NRXN1: variants seen among roughly 807,000 people sequenced by gnomAD.
NRXN1 encodes the protein neurexin-1.
A neutral mutation model predicts 150.9 loss-of-function variants in NRXN1; 39 were observed. The observed-to-expected ratio is 0.26, with a 90% CI of 0.20 to 0.34. The LOEUF is 0.34. NRXN1 is among the 10% of genes least tolerant of loss of function. The pLI, the probability that NRXN1 is intolerant of heterozygous loss-of-function variation, is 1.00. For synonymous variants in NRXN1, 924 were observed against 757.0 expected (o/e 1.22, Z -3.62); for missense variants, 1,815 against 1,949.9 (o/e 0.93, Z 1.30).
intron 22 of NRXN1, among the ~76,000 whole-genome samples, chr2:49,931,173 G>A (rs1321788068): frequency 6.6e-6 from 1 of 152,068 alleles, no homozygotes; most frequent in Admixed American, 6.6e-5. Flanking sequence ...CTAAGCAAGG[G>A]GGTTGAACAC....
intron 5 of NRXN1, among the ~76,000 whole-genome samples, chr2:50,866,611 T>G (rs979933608): frequency 6.6e-6 from 1 of 151,962 alleles, no homozygotes; most frequent in Admixed American, 6.6e-5. Flanking sequence ...GTTATATAGT[T>G]ATAATTTACA....
intron 5 of NRXN1, among the ~76,000 whole-genome samples, chr2:50,799,326 T>A (rs866755643): frequency 6.6e-6 from 1 of 152,198 alleles, no homozygotes; most frequent in South Asian, 2.1e-4. Flanking sequence ...GGACAACAAT[T>A]TAATTCCTAT....
intron 18 of NRXN1, among the ~76,000 whole-genome samples, chr2:50,115,367 G>A (rs754419995): frequency 9.2e-5 from 14 of 151,754 alleles, no homozygotes; most frequent in South Asian, 2.1e-4. Context: ...GAGTTTACCC[G>A]AGATTACGTA....
chr2:50,906,902 C>T (rs1250024766), intron 5 of NRXN1, among the ~76,000 whole-genome samples: 1 of 151,962 alleles, frequency 6.6e-6, no homozygotes, highest in African/African-American at 2.4e-5. Context: ...CCCTGGCATG[C>T]TGAGTACTTG....
intron 18 of NRXN1, among the ~76,000 whole-genome samples, chr2:50,235,446 T>C (rs187365198): frequency 2.0e-5 from 3 of 152,198 alleles, no homozygotes; most frequent in African/African-American, 7.2e-5. Context: ...TTTTGTTGTG[T>C]TTTTCAAGCT....
chr2:49,966,662 C>T (rs972589079), intron 21 of NRXN1: 1 of 152,000 alleles, frequency 6.6e-6, no homozygotes, highest in Non-Finnish European at 1.5e-5. Flanking sequence ...GAACTTTCTC[C>T]AGTACAATGT....
At chr2:50,560,602 T>A (rs991122749) in intron 8 of NRXN1, among the ~76,000 whole-genome samples, 62 of 152,184 alleles carry the variant, frequency 4.1e-4, no homozygotes, top group African/African-American at 1.3e-3. Flanking sequence ...CCGGTTAATT[T>A]TGGATTTTTA....
At chr2:50,857,398 T>G (rs1417319426) in intron 5 of NRXN1, among the ~76,000 whole-genome samples, 1 of 152,046 alleles carries the variant, frequency 6.6e-6, no homozygotes. Flanking sequence ...TATTTTTTTA[T>G]GTGGTTGATT....
chr2:50,446,579 CTCCT>C (rs1316319085), intron 17 of NRXN1, among the ~76,000 whole-genome samples: 13 of 129,132 alleles, frequency 1.0e-4, no homozygotes, highest in South Asian at 2.8e-4. Context: ...TCCTTCTTTC[CTCCT>C]TCCTTCCTTC....
rs531378141 is a variant in NRXN1 at position 50,637,238 on chromosome 2, C to T, written c.833-13623G>A. Among the ~76,000 whole-genome samples, 331 of 152,172 alleles carry T rather than the reference C, an allele frequency of 2.2e-3. 1 individual carries two copies. Among genetic ancestry groups the T allele is most frequent in the African/African-American group, 7.8e-3 (325 of 41,516 alleles). On this transcript the variant is annotated intron_variant, in intron 5 of 22. Transcript: ENST00000401669. ...CTTATTAATTATATACTGGGTCTTC[C>T]ATAACTTCCCGTTACCCCATCTATC...
intron 17 of NRXN1, among the ~76,000 whole-genome samples, chr2:50,350,071 C>T (rs2078300515): frequency 6.6e-6 from 1 of 152,170 alleles, no homozygotes; most frequent in Non-Finnish European, 1.5e-5. Context: ...AAATACTGAA[C>T]CATTGCTCCC....
chr2:50,318,066 T>TAGA (rs1429284749), intron 17 of NRXN1, among the ~76,000 whole-genome samples: 1 of 151,952 alleles, frequency 6.6e-6, no homozygotes. Flanking sequence ...AGTCACATAC[T>TAGA]AGAAGAATAA....
At chr2:50,939,567 T>G (rs897513970) in intron 2 of NRXN1, among the ~76,000 whole-genome samples, 1 of 152,088 alleles carries the variant, frequency 6.6e-6, no homozygotes, top group African/African-American at 2.4e-5. Context: ...TTTTCTTTTC[T>G]CTAACAATTT....
chr2:50,169,263 T>A (rs548201367), intron 18 of NRXN1, among the ~76,000 whole-genome samples: 35 of 152,152 alleles, frequency 2.3e-4, no homozygotes, highest in Admixed American at 6.5e-4. Flanking sequence ...GCCAAAAGTG[T>A]CCACTCTTAA....
chr2:50,849,983 A>G (rs1199453398), intron 5 of NRXN1, among the ~76,000 whole-genome samples: 1 of 152,106 alleles, frequency 6.6e-6, no homozygotes, highest in Non-Finnish European at 1.5e-5. Context: ...AGGCAGGAAG[A>G]TCGCTTGAGC....
At chr2:50,139,762 T>C (rs375689414) in intron 18 of NRXN1, among the ~76,000 whole-genome samples, 6 of 152,302 alleles carry the variant, frequency 3.9e-5, no homozygotes, top group African/African-American at 1.4e-4. Context: ...ACATAGACTA[T>C]TCTATCTATA....
chr2:50,176,539 T>C (rs920268690), intron 18 of NRXN1, among the ~76,000 whole-genome samples: 2 of 151,996 alleles, frequency 1.3e-5, no homozygotes, highest in Non-Finnish European at 2.9e-5. Context: ...CATTGTCAAA[T>C]ATACCCTGGG....
At chr2:50,102,289 G>A (rs1701082628) in intron 18 of NRXN1, among the ~76,000 whole-genome samples, 1 of 151,952 alleles carries the variant, frequency 6.6e-6, no homozygotes, top group African/African-American at 2.4e-5. Flanking sequence ...TAGCTGCAGT[G>A]AATTTTGTAA....
At chr2:51,015,602 T>A (rs1470576009) in intron 2 of NRXN1, among the ~76,000 whole-genome samples, 2 of 151,914 alleles carry the variant, frequency 1.3e-5, no homozygotes, top group East Asian at 3.9e-4. Context: ...GTCTGTACTT[T>A]TATGAAGGAA....
Sources: gnomAD v4.1 joint callset for allele counts (sites outside exome capture counted in the v4.1 genomes callset) on GRCh38, gnomAD v4.1.1 for gene constraint, MANE v1.5 for transcripts, NCBI Gene and HGNC (gene_info 2026-07-23, HGNC 2026-07-21) for gene names.